The following PFKFB3 variants were observed in gnomAD, a reference collection of about 807,000 sequenced individuals.
PFKFB3 encodes the protein 6-phosphofructo-2-kinase/fructose-2,6-bisphosphatase 3.
PFKFB3 carries 33 observed loss-of-function variants against 68.0 expected under a neutral mutation model. The ratio of observed to expected loss-of-function variants is 0.49; its 90% CI spans 0.37 to 0.65. PFKFB3 has a LOEUF of 0.65. Ranked by LOEUF, PFKFB3 falls within the 30% of genes least tolerant of loss-of-function variation. The pLI is 0.00. For missense variants in PFKFB3, 586 were observed against 712.2 expected (o/e 0.82, Z 2.02); for synonymous variants, 315 against 288.2 (o/e 1.09, Z -0.94).
chr10:6,304,413 C>A, the PFKFB3 span, among the ~76,000 whole-genome samples: 2 of 151,262 alleles, frequency 1.3e-5, no homozygotes, highest in African/African-American at 4.9e-5. Context: ...CATCACGTAT[C>A]CCTTCTGCAG....
rs780959057 is a variant in PFKFB3 at position 6,224,186 on chromosome 10, C to T, written c.1314C>T (p.Ser438=). The T allele has an allele frequency of 5.3e-5, 85 of 1,614,026 alleles. 1 individual carries two copies. The East Asian group carries it at 7.4e-4, about 14-fold the overall frequency. The part of the protein sequence containing the change: ...RVESIYLNVE[S]VCTHRERSED... ...AATCCATCTACCTGAACGTGGAGTC[C>T]GTCTGCACACACCGGGAGAGGTCAG... The change falls in exon 13 of 15, where the codon TCC becomes TCT. Residue 438 remains serine (S), a synonymous_variant. Coordinates refer to ENST00000379775, the MANE Select transcript of PFKFB3 (RefSeq NM_004566.4).
At chr10:6,237,337 C>T (rs1846037814), downstream of PFKFB3, among the ~76,000 whole-genome samples, 1 of 152,248 alleles carries the variant, frequency 6.6e-6, no homozygotes, top group Non-Finnish European at 1.5e-5. Flanking sequence ...GCAGTGGGCT[C>T]TGTCACTAAA....
intron 1 of PFKFB3, among the ~76,000 whole-genome samples, chr10:6,185,238 G>A (rs79730725): frequency 0.031 from 4,711 of 152,174 alleles, 109 homozygotes; most frequent in Non-Finnish European, 0.049. Context: ...CTCTGCTGGG[G>A]GTGGATTACA....
intron 1 of PFKFB3, among the ~76,000 whole-genome samples, chr10:6,180,033 A>G (rs1304114826): frequency 6.6e-6 from 1 of 151,984 alleles, no homozygotes; most frequent in African/African-American, 2.4e-5. Flanking sequence ...TTAACCATTC[A>G]AAATAACCAG....
At chr10:6,174,471 C>T (rs548571736) in intron 1 of PFKFB3, among the ~76,000 whole-genome samples, 2 of 152,346 alleles carry the variant, frequency 1.3e-5, no homozygotes, top group South Asian at 2.1e-4. Context: ...TTCTGTGGAG[C>T]GAGAGATTCC....
At chr10:6,317,490 A>G in the PFKFB3 span, among the ~76,000 whole-genome samples, 1 of 152,204 alleles carries the variant, frequency 6.6e-6, no homozygotes, top group Non-Finnish European at 1.5e-5. Context: ...GTCCAACTCA[A>G]TCAGGGCAAA....
intron 1 of PFKFB3, among the ~76,000 whole-genome samples, chr10:6,163,105 T>G (rs1273859239): frequency 6.6e-6 from 1 of 152,236 alleles, no homozygotes; most frequent in Non-Finnish European, 1.5e-5. Flanking sequence ...TTGAATCTCC[T>G]TTGCTACTGG....
intron 1 of PFKFB3, among the ~76,000 whole-genome samples, chr10:6,146,824 G>A (rs1841404216): frequency 6.6e-6 from 1 of 152,228 alleles, no homozygotes; most frequent in South Asian, 2.1e-4. Flanking sequence ...TGCCAACCAA[G>A]GTAAGCTTTG....
rs1169051329 is a variant in PFKFB3, at chr10:6,183,451, C to T, written c.17-30172C>T. 2.6e-5 allele frequency among the ~76,000 whole-genome samples: 4 copies of T among 151,988 alleles called. No individual in the cohort carries two copies. In the South Asian group the frequency reaches 8.3e-4, roughly 32 times the overall value. On this transcript the variant is annotated intron_variant, in intron 1 of 14. Transcript: ENST00000379789. The stretch of plus-strand genomic sequence containing the variant: ...CAGTCAGGTGCCCCAGCCCCACCAG[C>T]CTGAAGCTGGGCTTGTAGCTGGCAC...
chr10:6,305,188 T>C, the PFKFB3 span, among the ~76,000 whole-genome samples: 1 of 139,082 alleles, frequency 7.2e-6, no homozygotes, highest in Non-Finnish European at 1.5e-5. Flanking sequence ...ATTAGGAATT[T>C]TTTTTTTTTT....
chr10:6,167,351 A>G (rs1842175374), intron 1 of PFKFB3, among the ~76,000 whole-genome samples: 1 of 152,234 alleles, frequency 6.6e-6, no homozygotes, highest in Non-Finnish European at 1.5e-5. Context: ...TCTGTCTGAT[A>G]CTGAGTCTGT....
chr10:6,220,735 G>A lies in PFKFB3; in HGVS notation c.701G>A (p.Arg234His), dbSNP rs765237719. 6.8e-6 allele frequency: 11 copies of A among 1,613,908 alleles called. No homozygotes were observed. In the African/African-American group the frequency reaches 9.3e-5, roughly 14 times the overall value. Residue 234 changes from arginine to histidine, a missense_variant, in exon 8 of 15, where the codon CGC (arginine) becomes CAC (histidine). Physicochemically the swap from Arg to His is conservative, Grantham distance 29. Coordinates refer to ENST00000379775, the MANE Select transcript of PFKFB3 (RefSeq NM_004566.4). The surrounding 1 kb of genome is among the most constrained non-coding windows in gnomAD (Gnocchi z 4.1). ...VNRVQDHIQS[R>H]IVYYLMNIHV... ...CGGGTGCAGGACCACATCCAGAGCC[G>A]CATCGTGTACTACCTGATGAACATC...
chr10:6,236,440 G>GC (rs1030511142), downstream of PFKFB3, among the ~76,000 whole-genome samples: 7 of 152,028 alleles, frequency 4.6e-5, no homozygotes, highest in South Asian at 1.4e-3. Context: ...TTTTTCCGGA[G>GC]CCCCCCACTG....
the PFKFB3 span, among the ~76,000 whole-genome samples, chr10:6,301,346 G>T: frequency 1.1e-4 from 17 of 152,294 alleles, no homozygotes; most frequent in African/African-American, 3.8e-4. Flanking sequence ...GTGCTTCAGG[G>T]ACTTCATAAA....
chr10:6,244,408 T>G (rs1846208950), intron 14 of PFKFB3, among the ~76,000 whole-genome samples: 1 of 152,176 alleles, frequency 6.6e-6, no homozygotes, highest in Admixed American at 6.5e-5. Flanking sequence ...GGGACCATGG[T>G]CTTTCTGGAC....
rs1841723968 is a variant in PFKFB3, at chr10:6,154,969, C to G, written c.16+9956C>G. On this transcript the variant is annotated intron_variant, in intron 1 of 14. Coordinates refer to the PFKFB3 transcript ENST00000379789. The surrounding 1 kb of genome is among the most constrained non-coding windows in gnomAD (Gnocchi z 4.6). ...AGGTCATGGTGACCTCCATGAGCAG[C>G]TCTGTTTCTGTCTGTGGTTCAAAAG... Among the ~76,000 whole-genome samples, 1 of 152,186 alleles carries G rather than the reference C, an allele frequency of 6.6e-6. No individual in the cohort carries two copies. Among genetic ancestry groups the G allele is most frequent in the Non-Finnish European group, 1.5e-5 (1 of 68,034 alleles).
chr10:6,174,240 G>A (rs1588420167), intron 1 of PFKFB3, among the ~76,000 whole-genome samples: 1 of 152,162 alleles, frequency 6.6e-6, no homozygotes, highest in Non-Finnish European at 1.5e-5. Context: ...AGATCTGCTG[G>A]TTCCTTCATG....
At chr10:6,294,763 T>A in the PFKFB3 span, 3 of 152,704 alleles carry the variant, frequency 2.0e-5, no homozygotes, top group Non-Finnish European at 2.9e-5. Flanking sequence ...AAGTTTTAGA[T>A]TTCAAGCCTC....
At chr10:6,262,465 A>AG in the PFKFB3 span, among the ~76,000 whole-genome samples, 1 of 145,614 alleles carries the variant, frequency 6.9e-6, no homozygotes, top group African/African-American at 2.5e-5. Flanking sequence ...AAAAAAAAAA[A>AG]AAAAAAAAAA....
Sources: allele counts gnomAD v4.1 joint callset (sites outside exome capture counted in the v4.1 genomes callset), GRCh38; gene constraint gnomAD v4.1.1; non-coding constraint Gnocchi (gnomAD v3.1); transcripts MANE v1.5; gene names NCBI Gene and HGNC (gene_info 2026-07-23, HGNC 2026-07-21).